ENOX1: variants seen among roughly 807,000 people sequenced by gnomAD.
The protein encoded by ENOX1 is ecto-NOX disulfide-thiol exchanger 1.
A neutral mutation model predicts 82.5 loss-of-function variants in ENOX1; 42 were observed. That is an observed-to-expected ratio of 0.51 (90% confidence interval 0.40 to 0.66). ENOX1 has a LOEUF of 0.66. Among genes scored for constraint, ENOX1 ranks in the 30% least tolerant of loss-of-function variants. ENOX1 has a pLI of 0.00. For synonymous variants in ENOX1, 271 were observed against 282.2 expected, an observed-to-expected ratio of 0.96 and a Z score of 0.40; for missense variants, 608 against 811.6, an observed-to-expected ratio of 0.75 and a Z score of 3.05.
At chr13:43,778,672 T>C (rs1261345243) in intron 1 of ENOX1, among the ~76,000 whole-genome samples, 2 of 152,236 alleles carry the variant, frequency 1.3e-5, no homozygotes, top group Non-Finnish European at 2.9e-5. Flanking sequence ...ACTTTCTTCC[T>C]TTAATGATCT....
intron 1 of ENOX1, among the ~76,000 whole-genome samples, chr13:43,770,703 A>ACC (rs1056623864): frequency 3.9e-5 from 6 of 151,900 alleles, no homozygotes; most frequent in Admixed American, 3.9e-4. Context: ...ACACACACAC[A>ACC]CACACACACA....
intron 2 of ENOX1, among the ~76,000 whole-genome samples, chr13:43,582,048 T>C (rs183069763): frequency 3.3e-4 from 50 of 152,262 alleles, no homozygotes; most frequent in African/African-American, 1.2e-3. Context: ...TGAAAATCTA[T>C]TATGCCACAA....
intron 2 of ENOX1, among the ~76,000 whole-genome samples, chr13:43,606,889 G>A (rs2081998066): frequency 6.6e-6 from 1 of 151,994 alleles, no homozygotes; most frequent in Non-Finnish European, 1.5e-5. Context: ...ATGGTGGCAT[G>A]TGCCTGTAGT....
chr13:43,580,772 C>T (rs2080682331), intron 2 of ENOX1, among the ~76,000 whole-genome samples: 1 of 152,154 alleles, frequency 6.6e-6, no homozygotes, highest in African/African-American at 2.4e-5. Context: ...AAGGTTACAG[C>T]CTCTCTTAAT....
At chr13:43,413,724 T>C (rs989092570) in intron 3 of ENOX1, among the ~76,000 whole-genome samples, 1 of 144,648 alleles carries the variant, frequency 6.9e-6, no homozygotes, top group Non-Finnish European at 1.5e-5. Context: ...TATATTTATA[T>C]ATATATATTT....
At chr13:43,680,638 A>G (rs912354137) in intron 1 of ENOX1, among the ~76,000 whole-genome samples, 1 of 152,144 alleles carries the variant, frequency 6.6e-6, no homozygotes, top group Non-Finnish European at 1.5e-5. Flanking sequence ...TTATCTGCAT[A>G]ATGGTGATGA....
chr13:43,423,373 A>T (rs1452221380), intron 3 of ENOX1, among the ~76,000 whole-genome samples: 2 of 152,268 alleles, frequency 1.3e-5, no homozygotes, highest in African/African-American at 4.8e-5. Flanking sequence ...GCCTGGATCC[A>T]TTAAAGCTAG....
rs115896854 is a variant in ENOX1 at position 43,662,652 on chromosome 13, A to G, written c.-219+4827T>C. ...ACCCCTTCCAGATGACAATTAATCA[A>G]TCCCTCAGTTCTACCTCTGTAGCAG... On this transcript the variant is annotated intron_variant, in intron 2 of 16. Transcript: ENST00000690772. Among the ~76,000 whole-genome samples the G allele has an allele frequency of 2.0e-3, 309 of 152,296 alleles. 1 individual carries two copies. The highest frequency in any genetic ancestry group is 7.0e-3 in the African/African-American group (292 of 41,566).
chr13:43,482,929 C>T (rs551733725), intron 3 of ENOX1, among the ~76,000 whole-genome samples: 1 of 152,118 alleles, frequency 6.6e-6, no homozygotes, highest in Non-Finnish European at 1.5e-5. Flanking sequence ...GTAAATACCC[C>T]CTGCCTCACT....
intron 2 of ENOX1, among the ~76,000 whole-genome samples, chr13:43,565,147 G>A (rs2079862828): frequency 6.6e-6 from 1 of 152,136 alleles, no homozygotes; most frequent in Non-Finnish European, 1.5e-5. Context: ...GGGGTGGAAG[G>A]CCCCTCTGAG....
At chr13:43,305,640 G>T (rs1398419193) in intron 11 of ENOX1, among the ~76,000 whole-genome samples, 1 of 152,160 alleles carries the variant, frequency 6.6e-6, no homozygotes, top group Non-Finnish European at 1.5e-5. Context: ...ACTAGGAGGT[G>T]CTGCTGGGCT....
chr13:43,330,301 T>C (rs1029444644), intron 9 of ENOX1, among the ~76,000 whole-genome samples: 1 of 152,242 alleles, frequency 6.6e-6, no homozygotes, highest in Non-Finnish European at 1.5e-5. Context: ...GCAGAACAAA[T>C]TGAGACCTAC....
chr13:43,370,004 C>G (rs1314013977), intron 5 of ENOX1, among the ~76,000 whole-genome samples: 1 of 152,226 alleles, frequency 6.6e-6, no homozygotes, highest in Admixed American at 6.5e-5. Context: ...CCCCTCTCTA[C>G]CTTCACCCCT....
At chr13:43,635,991 A>G (rs2083399259) in intron 2 of ENOX1, among the ~76,000 whole-genome samples, 1 of 152,142 alleles carries the variant, frequency 6.6e-6, no homozygotes. Context: ...TTCTGGGGAA[A>G]CGCAGCCCCA....
chr13:43,459,483 T>C (rs1566274738), intron 3 of ENOX1: 1 of 152,222 alleles, frequency 6.6e-6, no homozygotes, highest in Non-Finnish European at 1.5e-5. Flanking sequence ...GCTAAAAGTA[T>C]TTTTATTAGT....
chr13:43,427,326 T>C (rs983349935), intron 3 of ENOX1, among the ~76,000 whole-genome samples: 1 of 152,042 alleles, frequency 6.6e-6, no homozygotes, highest in Admixed American at 6.6e-5. Flanking sequence ...CAACAACCTA[T>C]GAGATAGATG....
chr13:43,344,185 G>A, intron 9 of ENOX1, among the ~76,000 whole-genome samples: 1 of 152,136 alleles, frequency 6.6e-6, no homozygotes, highest in East Asian at 1.9e-4. Flanking sequence ...GAGGACATAG[G>A]GGTCTGTGCG....
intron 14 of ENOX1, among the ~76,000 whole-genome samples, chr13:43,237,952 A>T (rs2042630487): frequency 6.6e-6 from 1 of 152,252 alleles, no homozygotes; most frequent in South Asian, 2.1e-4. Context: ...AATATCTGAT[A>T]AGCATTTTAG....
chr13:43,667,903 T>C (rs946051710), intron 1 of ENOX1, among the ~76,000 whole-genome samples: 1 of 152,198 alleles, frequency 6.6e-6, no homozygotes, highest in Non-Finnish European at 1.5e-5. Context: ...TAAAGCTGTG[T>C]GTTAATTAAT....
Sources: allele counts gnomAD v4.1 joint callset (sites outside exome capture counted in the v4.1 genomes callset), GRCh38; gene constraint gnomAD v4.1.1; transcripts MANE v1.5; gene names NCBI Gene and HGNC (gene_info 2026-07-23, HGNC 2026-07-21).